Variants in PAM observed in about 807,000 individuals in gnomAD.
The protein encoded by PAM is peptidylglycine alpha-amidating monooxygenase, also known as peptidyl-glycine alpha-amidating monooxygenase.
In PAM, 72 loss-of-function variants were observed where a neutral mutation model predicts 122.1. The observed-to-expected ratio is 0.59, with a 90% CI of 0.49 to 0.72. The LOEUF is 0.72. Among genes scored for constraint, PAM ranks in the 30% least tolerant of loss-of-function variants. PAM has a pLI of 0.00. For missense variants in PAM, 1,106 were observed against 1,183.7 expected (o/e 0.93, Z 0.96); for synonymous variants, 389 against 404.4 (o/e 0.96, Z 0.46).
intron 7 of PAM, among the ~76,000 whole-genome samples, chr5:102,928,635 T>C (rs1168495744): frequency 6.6e-6 from 1 of 152,056 alleles, no homozygotes; most frequent in Non-Finnish European, 1.5e-5. Context: ...AGTAAAAACA[T>C]GGGAAAATAT....
chr5:102,821,646 T>G (rs1187647605), intron 1 of PAM, among the ~76,000 whole-genome samples: 1 of 152,144 alleles, frequency 6.6e-6, no homozygotes, highest in Non-Finnish European at 1.5e-5. Context: ...ACCTTTTCAT[T>G]TTACTCTCAC....
intron 1 of PAM, among the ~76,000 whole-genome samples, chr5:102,774,133 T>A (rs975998983): frequency 1.3e-5 from 2 of 152,150 alleles, no homozygotes; most frequent in Non-Finnish European, 2.9e-5. Flanking sequence ...GTTAGGTTGA[T>A]TCCATTTGTT....
chr5:102,862,037 G>A (rs879928798), intron 1 of PAM, among the ~76,000 whole-genome samples: 1 of 152,090 alleles, frequency 6.6e-6, no homozygotes, highest in East Asian at 1.9e-4. Flanking sequence ...GGACATGGTG[G>A]TGTATGTCTG....
At chr5:102,857,897 A>T (rs879752597) in intron 1 of PAM, among the ~76,000 whole-genome samples, 2 of 152,214 alleles carry the variant, frequency 1.3e-5, no homozygotes, top group South Asian at 4.1e-4. Flanking sequence ...TATCCCCAAT[A>T]AATATGGAGG....
chr5:102,966,164 G>T (rs1351486617), intron 14 of PAM, among the ~76,000 whole-genome samples: 2 of 151,946 alleles, frequency 1.3e-5, no homozygotes, highest in African/African-American at 4.8e-5. Flanking sequence ...AAATTTATTG[G>T]TTTCTTATGA....
intron 1 of PAM, among the ~76,000 whole-genome samples, chr5:102,821,942 C>T (rs967767428): frequency 6.6e-6 from 1 of 152,180 alleles, no homozygotes; most frequent in Admixed American, 6.5e-5. Context: ...TTGCTTCTCA[C>T]ATTAAACATT....
At chr5:102,973,950 G>A (rs1766718008) in intron 14 of PAM, among the ~76,000 whole-genome samples, 166 bp from the exon 15 acceptor site, 1 of 152,062 alleles carries the variant, frequency 6.6e-6, no homozygotes, top group South Asian at 2.1e-4. Flanking sequence ...TATTTCATCG[G>A]TCTAGGAATT....
At chr5:102,987,514 ATAGC>A in intron 15 of PAM, 1 of 455,166 alleles carries the variant, frequency 2.2e-6, no homozygotes, top group Non-Finnish European at 4.4e-6. Flanking sequence ...CTATTTCCAA[ATAGC>A]TAGAAGAGAA....
chr5:102,813,511 T>C (rs1257041335), intron 1 of PAM, among the ~76,000 whole-genome samples: 1 of 152,232 alleles, frequency 6.6e-6, no homozygotes, highest in African/African-American at 2.4e-5. Flanking sequence ...TCCTCATTTT[T>C]CTCACTGATC....
chr5:102,880,453 T>C (rs1255815197), intron 3 of PAM, among the ~76,000 whole-genome samples: 1 of 151,860 alleles, frequency 6.6e-6, no homozygotes, highest in African/African-American at 2.4e-5. Context: ...TAGTTGACTA[T>C]AATAATTAGA....
At chr5:103,005,998 G>A (rs561417901) in intron 18 of PAM, among the ~76,000 whole-genome samples, 2 of 152,126 alleles carry the variant, frequency 1.3e-5, no homozygotes, top group East Asian at 1.9e-4. Context: ...GCAGTGGCAC[G>A]ATCTTGGCTC....
chr5:102,893,485 A>G (rs1023477058), intron 3 of PAM, among the ~76,000 whole-genome samples: 2 of 151,792 alleles, frequency 1.3e-5, no homozygotes, highest in African/African-American at 4.8e-5. Context: ...GTAAAACCTG[A>G]AAACCCAAAA....
chr5:103,020,412 A>G (rs1783241603), intron 23 of PAM, among the ~76,000 whole-genome samples: 1 of 152,110 alleles, frequency 6.6e-6, no homozygotes, highest in Non-Finnish European at 1.5e-5. Flanking sequence ...TTATAAGGAG[A>G]GAGGGGGAAA....
chr5:103,023,134 C>T (rs1784070491), intron 23 of PAM, among the ~76,000 whole-genome samples: 1 of 152,022 alleles, frequency 6.6e-6, no homozygotes. Context: ...AAGTTCATTG[C>T]CTCATTCTCA....
intron 3 of PAM, among the ~76,000 whole-genome samples, chr5:102,870,137 C>T (rs1193834973): frequency 2.0e-5 from 3 of 149,006 alleles, no homozygotes; most frequent in African/African-American, 7.4e-5. Context: ...TCAAGAAGAG[C>T]AACAAAATTT....
intron 1 of PAM, among the ~76,000 whole-genome samples, chr5:102,805,943 T>C (rs1428535792): frequency 6.6e-6 from 1 of 152,212 alleles, no homozygotes; most frequent in Non-Finnish European, 1.5e-5. Flanking sequence ...TCACACTTGA[T>C]TTTTGTTTCT....
rs184838498 is a variant in PAM, at chr5:102,859,771, C to A, written c.-373-6052C>A. 7.9e-5 allele frequency among the ~76,000 whole-genome samples: 12 copies of A among 152,238 alleles called. No individual in the cohort carries two copies. In the East Asian group the frequency reaches 2.3e-3, roughly 29 times the overall value. On this transcript the variant is annotated intron_variant, in intron 1 of 25. Transcript: ENST00000438793. ...TTTATAAGTGCCGTATACAAATGTA[C>A]CATTTCTTATCTTATATACAGTATT...
At chr5:103,002,601 T>C (rs1055568600) in intron 16 of PAM, among the ~76,000 whole-genome samples, 6 of 152,202 alleles carry the variant, frequency 3.9e-5, no homozygotes, top group African/African-American at 1.4e-4. Flanking sequence ...TTATAATTAA[T>C]GACAAAGTTA....
chr5:102,757,407 A>C (rs1411139049), intron 1 of PAM, among the ~76,000 whole-genome samples: 1 of 152,246 alleles, frequency 6.6e-6, no homozygotes, highest in Admixed American at 6.5e-5. Context: ...AAGTTTGTTA[A>C]GACATTGCTT....
Sources: allele counts gnomAD v4.1 joint callset (sites outside exome capture counted in the v4.1 genomes callset), GRCh38; gene constraint gnomAD v4.1.1; transcripts MANE v1.5; gene names NCBI Gene and HGNC (gene_info 2026-07-23, HGNC 2026-07-21).